RNF6: variants seen among roughly 807,000 people sequenced by gnomAD.
RNF6 encodes the protein E3 ubiquitin-protein ligase RNF6.
A neutral mutation model predicts 50.1 loss-of-function variants in RNF6; 21 were observed. The ratio of observed to expected loss-of-function variants is 0.42; its 90% CI spans 0.30 to 0.60. RNF6 has a LOEUF of 0.60. RNF6 is among the 20% of genes least tolerant of loss of function. RNF6 has a pLI of 0.20. For synonymous variants in RNF6, 255 were observed against 291.8 expected (o/e 0.87, Z 1.29); for missense variants, 698 against 838.2 (o/e 0.83, Z 2.07).
intron 5 of RNF6, among the ~76,000 whole-genome samples, chr13:26,200,550 T>C (rs1868860237): frequency 6.6e-6 from 1 of 152,004 alleles, no homozygotes; most frequent in Non-Finnish European, 1.5e-5. Flanking sequence ...GGATTACAGG[T>C]GCCCACCACC....
chr13:26,180,300 T>C (rs536697107), intron 5 of RNF6, among the ~76,000 whole-genome samples: 1 of 152,302 alleles, frequency 6.6e-6, no homozygotes, highest in South Asian at 2.1e-4. Flanking sequence ...AGCTGTCTGT[T>C]TGTCTTCCTA....
At chr13:26,209,920 A>C (rs2137728048), downstream of RNF6, among the ~76,000 whole-genome samples, 1 of 152,328 alleles carries the variant, frequency 6.6e-6, no homozygotes, top group South Asian at 2.1e-4. Context: ...AAAGGAATAA[A>C]AAATATATAG....
At chr13:26,168,865 G>A (rs1872563125) in intron 5 of RNF6, among the ~76,000 whole-genome samples, 2 of 152,202 alleles carry the variant, frequency 1.3e-5, no homozygotes, top group Admixed American at 6.5e-5. Context: ...AGCCAAGCAC[G>A]GTGGCCGCAC....
intron 5 of RNF6, chr13:26,149,167 C>T (rs1207396862): frequency 6.6e-6 from 1 of 152,112 alleles, no homozygotes; most frequent in Non-Finnish European, 1.5e-5. Flanking sequence ...TCACATTTAC[C>T]TTTTGTGTTT....
At chr13:26,153,925 G>C (rs998363928) in intron 5 of RNF6, among the ~76,000 whole-genome samples, 2 of 152,080 alleles carry the variant, frequency 1.3e-5, no homozygotes, top group African/African-American at 4.8e-5. Flanking sequence ...CTTAAATACT[G>C]TAAGAAAAGA....
At chr13:26,139,501 C>T (rs1870823641) in intron 5 of RNF6, among the ~76,000 whole-genome samples, 1 of 152,116 alleles carries the variant, frequency 6.6e-6, no homozygotes. Flanking sequence ...CCCTGTGTCA[C>T]CACTCAGTCA....
chr13:26,140,335 C>T (rs1012409584), intron 5 of RNF6, among the ~76,000 whole-genome samples: 1 of 152,100 alleles, frequency 6.6e-6, no homozygotes, highest in African/African-American at 2.4e-5. Context: ...GAGACTCCAG[C>T]GCAGCCATGT....
chr13:26,185,359 A>G (rs908811414), intron 5 of RNF6, among the ~76,000 whole-genome samples: 2 of 152,190 alleles, frequency 1.3e-5, no homozygotes, highest in African/African-American at 4.8e-5. Context: ...TCTTTGTAAT[A>G]ATACATAAAT....
At chr13:26,151,366 G>A (rs1165702921) in intron 5 of RNF6, among the ~76,000 whole-genome samples, 1 of 152,056 alleles carries the variant, frequency 6.6e-6, no homozygotes, top group African/African-American at 2.4e-5. Context: ...AGGTTCAAGC[G>A]GTTCTCCTGC....
intron 5 of RNF6, among the ~76,000 whole-genome samples, chr13:26,171,732 A>G (rs1023120670): frequency 2.6e-5 from 4 of 152,234 alleles, no homozygotes; most frequent in African/African-American, 9.6e-5. Context: ...TGAAATTCCT[A>G]CACATGCTAC....
intron 5 of RNF6, among the ~76,000 whole-genome samples, chr13:26,146,109 C>CTCATTATT (rs1433759522): frequency 1.3e-5 from 2 of 152,170 alleles, no homozygotes; most frequent in Non-Finnish European, 2.9e-5. Flanking sequence ...CCAGGAAGGT[C>CTCATTATT]TCATTATTTC....
At chr13:26,186,287 T>C (rs1033257689) in intron 5 of RNF6, among the ~76,000 whole-genome samples, 4 of 152,160 alleles carry the variant, frequency 2.6e-5, no homozygotes, top group Admixed American at 6.5e-5. Flanking sequence ...TGGAGTGCCG[T>C]GTGGAGACGC....
At chr13:26,182,973 G>C (rs1009433414) in intron 5 of RNF6, among the ~76,000 whole-genome samples, 1 of 152,158 alleles carries the variant, frequency 6.6e-6, no homozygotes, top group South Asian at 2.1e-4. Flanking sequence ...TAAGAATTCT[G>C]GGAGATTTGT....
chr13:26,151,724 TTAGAA>T (rs1871611946), intron 5 of RNF6, among the ~76,000 whole-genome samples: 1 of 151,958 alleles, frequency 6.6e-6, no homozygotes, highest in African/African-American at 2.4e-5. Flanking sequence ...TACCTACTGT[TTAGAA>T]TATGAGAAAT....
In RNF6 at chr13:26,202,864, C is replaced by T. The variant is rs1868948073; in HGVS notation, n.768+12610G>A. 2.0e-5 allele frequency among the ~76,000 whole-genome samples: 3 copies of T among 152,186 alleles called. No homozygotes were observed. In the South Asian group the frequency reaches 6.2e-4, roughly 32 times the overall value. Reference sequence around the variant, plus strand: ...GGGCCACAAACTGGATATGAGTCAGCAACAAAAGTCCTTTTATTAATTAAG... The same window carrying T: ...GGGCCACAAACTGGATATGAGTCAGTAACAAAAGTCCTTTTATTAATTAAG... On this transcript the variant is annotated intron_variant and non_coding_transcript_variant, in intron 5 of 5. Transcript: ENST00000468480.
chr13:26,202,738 G>A (rs1195889629), intron 5 of RNF6, among the ~76,000 whole-genome samples: 1 of 152,208 alleles, frequency 6.6e-6, no homozygotes, highest in Non-Finnish European at 1.5e-5. Context: ...AATAAAAATA[G>A]TATGGTACAT....
intron 5 of RNF6, among the ~76,000 whole-genome samples, chr13:26,140,443 A>G (rs1202274835): frequency 6.6e-6 from 1 of 152,210 alleles, no homozygotes; most frequent in Non-Finnish European, 1.5e-5. Context: ...AGTAAAATCC[A>G]ACATCCCTTC....
At chr13:26,141,391 G>A (rs1314332816) in intron 5 of RNF6, among the ~76,000 whole-genome samples, 8 of 147,466 alleles carry the variant, frequency 5.4e-5, no homozygotes, top group African/African-American at 2.0e-4. Context: ...TTGTGCCACT[G>A]CACTCCAGCC....
downstream of RNF6, among the ~76,000 whole-genome samples, chr13:26,211,748 A>G (rs1188782439): frequency 6.6e-6 from 1 of 152,092 alleles, no homozygotes; most frequent in Non-Finnish European, 1.5e-5. Context: ...ACAGAGTGAG[A>G]CTCTGTCTCA....
Sources: gnomAD v4.1 joint callset for allele counts (sites outside exome capture counted in the v4.1 genomes callset) on GRCh38, gnomAD v4.1.1 for gene constraint, MANE v1.5 for transcripts, NCBI Gene and HGNC (gene_info 2026-07-23, HGNC 2026-07-21) for gene names.